ADAM12: variants seen among roughly 807,000 people sequenced by gnomAD.
ADAM12 encodes ADAM metallopeptidase domain 12.
Under a neutral mutation model 106.4 loss-of-function variants are expected in ADAM12, and 70 were observed. That is an observed-to-expected ratio of 0.66 (90% CI 0.54 to 0.80). The LOEUF (loss-of-function observed/expected upper bound fraction) is 0.80, where lower values mean the gene tolerates loss of function less well. Among genes scored for constraint, ADAM12 ranks in the 30% least tolerant of loss-of-function variants. The pLI is 0.00. For synonymous variants in ADAM12, 420 were observed against 433.5 expected (o/e 0.97, Z 0.39); for missense variants, 1,010 against 1,171.9 (o/e 0.86, Z 2.02).
chr10:126,084,222 G>C (rs1242386813), intron 11 of ADAM12, among the ~76,000 whole-genome samples: 1 of 152,148 alleles, frequency 6.6e-6, no homozygotes, highest in Non-Finnish European at 1.5e-5. Context: ...ACATGTACAG[G>C]AAGCTTCTGG....
At chr10:126,098,570 C>A in intron 9 of ADAM12, 70 bp from the exon 10 acceptor site, 1 of 1,320,302 alleles carries the variant, frequency 7.6e-7, no homozygotes, top group South Asian at 1.2e-5. Context: ...TTTAAAAATT[C>A]TGTTGGATAT....
At chr10:126,271,267 G>C (rs187636576) in intron 3 of ADAM12, among the ~76,000 whole-genome samples, 1 of 152,298 alleles carries the variant, frequency 6.6e-6, no homozygotes, top group East Asian at 1.9e-4. Flanking sequence ...GGTAAGAATT[G>C]TATGCCTTCC....
At chr10:126,094,175 C>T in intron 10 of ADAM12, 42 bp from the exon 11 acceptor site, 1 of 1,580,786 alleles carries the variant, frequency 6.3e-7, no homozygotes, top group Non-Finnish European at 8.6e-7. Flanking sequence ...ATTCATATCT[C>T]CTTGGCCTTA....
At chr10:126,204,642 T>G (rs1442630907) in intron 3 of ADAM12, among the ~76,000 whole-genome samples, 1 of 152,226 alleles carries the variant, frequency 6.6e-6, no homozygotes, top group Non-Finnish European at 1.5e-5. Context: ...GCACCTTTGT[T>G]CATAAATTGT....
chr10:126,121,132 T>TATAC (rs1956090882), intron 5 of ADAM12, among the ~76,000 whole-genome samples: 1 of 17,786 alleles, frequency 5.6e-5, no homozygotes, highest in African/African-American at 5.0e-4. Context: ...GTATATATAC[T>TATAC]ATATACTATA....
chr10:126,313,568 C>T (rs1391463052), intron 2 of ADAM12, among the ~76,000 whole-genome samples: 1 of 152,156 alleles, frequency 6.6e-6, no homozygotes, highest in African/African-American at 2.4e-5. Context: ...ACATACACCT[C>T]ATCAACACCA....
intron 2 of ADAM12, among the ~76,000 whole-genome samples, chr10:126,293,497 GAATGAGCACCCC>G (rs1960241653): frequency 6.6e-6 from 1 of 152,144 alleles, no homozygotes; most frequent in East Asian, 1.9e-4. Context: ...TGAAACAAGT[GAATGAGCACCCC>G]ATTTATTTTT....
Position 126,388,256 on chromosome 10 carries a change from C to G in ADAM12, c.-111G>C, listed in dbSNP as rs1317364731. ...TCGCGACCGGAGGGATTTCCTGCCT[C>G]GGCGAGTCAGCTCCGGAGCCCTCGC... On this transcript the variant is annotated 5_prime_UTR_variant, in exon 1 of 23. Transcript: ENST00000448723. The surrounding 1 kb of genome is among the most constrained non-coding windows in gnomAD (Gnocchi z 4.4). 1.7e-6 allele frequency: 2 copies of G among 1,177,574 alleles called. No individual in the cohort carries two copies. The highest frequency in any genetic ancestry group is 3.2e-5 in the African/African-American group (2 of 62,242). The allele number at this position is 1,177,574 out of a possible 1,614,324, so 72.9% of individuals were successfully genotyped here. A position where few individuals can be genotyped will look rare whatever the true frequency, so the allele number is the denominator to read the frequency against.
intron 3 of ADAM12, among the ~76,000 whole-genome samples, chr10:126,219,444 AC>A (rs1958049686): frequency 6.6e-6 from 1 of 152,148 alleles, no homozygotes; most frequent in Non-Finnish European, 1.5e-5. Context: ...GCTATGTGCG[AC>A]ACAGACATCA....
intron 1 of ADAM12, among the ~76,000 whole-genome samples, chr10:126,345,419 G>A (rs749950286): frequency 1.3e-5 from 2 of 152,078 alleles, no homozygotes; most frequent in South Asian, 2.1e-4. Context: ...TGCTGGATTC[G>A]GTTTGCCAGT....
At chr10:126,023,978 C>T (rs959511334) in intron 21 of ADAM12, among the ~76,000 whole-genome samples, 2 of 149,956 alleles carry the variant, frequency 1.3e-5, no homozygotes, top group South Asian at 2.1e-4. Flanking sequence ...TCAGCAGTAA[C>T]ATATCCAAAG....
At chr10:126,265,383 A>G (rs1471369610) in intron 3 of ADAM12, among the ~76,000 whole-genome samples, 1 of 152,216 alleles carries the variant, frequency 6.6e-6, no homozygotes, top group Non-Finnish European at 1.5e-5. Context: ...GGACCCAAGG[A>G]AAGAACAGAT....
At chr10:126,312,472 G>A (rs1436536114) in intron 2 of ADAM12, among the ~76,000 whole-genome samples, 1 of 152,118 alleles carries the variant, frequency 6.6e-6, no homozygotes, top group South Asian at 2.1e-4. Flanking sequence ...CACAAGAGAA[G>A]AAATGCTGTG....
At chr10:126,050,311 G>C (rs1247076324) in intron 14 of ADAM12, among the ~76,000 whole-genome samples, 1 of 152,152 alleles carries the variant, frequency 6.6e-6, no homozygotes, top group Non-Finnish European at 1.5e-5. Context: ...CAGCCAGAGA[G>C]CTCAGAAATG....
intron 2 of ADAM12, among the ~76,000 whole-genome samples, chr10:126,295,680 AACTCTGGGGG>A (rs1276958701): frequency 6.6e-6 from 1 of 152,058 alleles, no homozygotes; most frequent in Admixed American, 6.6e-5. Flanking sequence ...TCTTCTCAAT[AACTCTGGGGG>A]ACTCTATCCT....
intron 2 of ADAM12, among the ~76,000 whole-genome samples, chr10:126,293,621 C>A (rs978119683): frequency 6.6e-6 from 1 of 152,132 alleles, no homozygotes; most frequent in African/African-American, 2.4e-5. Flanking sequence ...CAAGTTCAAG[C>A]AATTCTCCTG....
At chr10:126,286,814 C>T (rs996704715) in intron 2 of ADAM12, among the ~76,000 whole-genome samples, 7 of 152,028 alleles carry the variant, frequency 4.6e-5, no homozygotes, top group Admixed American at 6.6e-5. Context: ...ACAATTTTTC[C>T]GATGGATAAT....
At chr10:126,314,292 C>T (rs532768152) in intron 2 of ADAM12, among the ~76,000 whole-genome samples, 1 of 152,222 alleles carries the variant, frequency 6.6e-6, no homozygotes. Flanking sequence ...GAGAGGAGAC[C>T]AGGTGTCCCT....
intron 3 of ADAM12, among the ~76,000 whole-genome samples, chr10:126,193,807 G>A (rs1957547125): frequency 6.6e-6 from 1 of 152,156 alleles, no homozygotes; most frequent in Non-Finnish European, 1.5e-5. Flanking sequence ...TGAGGCAGGA[G>A]AATCTCTTGA....
Sources: gnomAD v4.1 joint callset for allele counts (sites outside exome capture counted in the v4.1 genomes callset) on GRCh38, gnomAD v4.1.1 for gene constraint, Gnocchi (gnomAD v3.1) non-coding constraint, MANE v1.5 for transcripts, NCBI Gene and HGNC (gene_info 2026-07-23, HGNC 2026-07-21) for gene names.